The following NKAIN2 variants were observed in gnomAD, a reference collection of about 807,000 sequenced individuals.
NKAIN2 encodes the protein sodium/potassium-transporting ATPase subunit beta-1-interacting protein 2.
NKAIN2 carries 14 observed loss-of-function variants against 32.6 expected under a neutral mutation model. The observed-to-expected ratio is 0.43, with a 90% CI of 0.28 to 0.67. The LOEUF (loss-of-function observed/expected upper bound fraction) is 0.67. Ranked by LOEUF, NKAIN2 falls within the 30% of genes least tolerant of loss-of-function variation. The pLI is 0.17. For missense variants in NKAIN2, 198 were observed against 258.3 expected, an observed-to-expected ratio of 0.77 and a Z score of 1.60; for synonymous variants, 80 against 87.2, an observed-to-expected ratio of 0.92 and a Z score of 0.46.
chr6:124,435,491 A>C (rs916252144), intron 3 of NKAIN2, among the ~76,000 whole-genome samples: 1 of 152,186 alleles, frequency 6.6e-6, no homozygotes, highest in Middle Eastern at 3.2e-3. Context: ...CGATTCTCAC[A>C]ACAATCCTAT....
chr6:123,872,583 C>T (rs1215614480), intron 1 of NKAIN2, among the ~76,000 whole-genome samples: 1 of 152,178 alleles, frequency 6.6e-6, no homozygotes, highest in Non-Finnish European at 1.5e-5. Context: ...GAGCAGACCA[C>T]TGAATGAATT....
Position 123,886,055 on chromosome 6 carries a change from G to T in NKAIN2, c.54+81801G>T, listed in dbSNP as rs371122811. ...CAGATGAAAAAATTAAAATTCACTT[G>T]TACTATAAGACAGGCAGATTAAATT... On this transcript the variant is annotated intron_variant, in intron 1 of 6. Coordinates refer to ENST00000368417, the MANE Select transcript of NKAIN2 (RefSeq NM_001040214.3). Among the ~76,000 whole-genome samples, 151 of 151,596 alleles carry T rather than the reference G, an allele frequency of 1.0e-3. 2 individuals carry two copies. The South Asian group carries it at 0.03, about 30-fold the overall frequency.
At chr6:124,221,439 G>A (rs912568892) in intron 1 of NKAIN2, among the ~76,000 whole-genome samples, 1 of 150,798 alleles carries the variant, frequency 6.6e-6, no homozygotes, top group African/African-American at 2.4e-5. Flanking sequence ...ATAGCATTGG[G>A]AGATATACCT....
chr6:123,878,526 C>CT (rs1773285001), intron 1 of NKAIN2, among the ~76,000 whole-genome samples: 1 of 151,876 alleles, frequency 6.6e-6, no homozygotes, highest in African/African-American at 2.4e-5. Flanking sequence ...TCTTGCTTTC[C>CT]TTTTTTTGGT....
At chr6:124,250,562 G>T (rs1793650721) in intron 1 of NKAIN2, among the ~76,000 whole-genome samples, 1 of 151,912 alleles carries the variant, frequency 6.6e-6, no homozygotes, top group Non-Finnish European at 1.5e-5. Context: ...TCTACTAAAA[G>T]ATAACAATTA....
Position 124,758,375 on chromosome 6 carries a change from G to A in NKAIN2, c.475-32964G>A, listed in dbSNP as rs181056032. 1.5e-3 allele frequency among the ~76,000 whole-genome samples: 227 copies of A among 152,210 alleles called. 1 individual carries two copies. Among genetic ancestry groups the A allele is most frequent in the African/African-American group, 4.1e-3 (172 of 41,542 alleles). The stretch of plus-strand genomic sequence containing the variant: ...TTTAGAAAGCTCTCTTGCCCCTTCC[G>A]CCCTGTGAGGGCACAGAGAGAAGAC... On this transcript the variant is annotated intron_variant, in intron 4 of 6. Transcript: ENST00000368417.
chr6:123,855,046 G>C (rs1390304290), intron 1 of NKAIN2, among the ~76,000 whole-genome samples: 3 of 152,156 alleles, frequency 2.0e-5, no homozygotes, highest in African/African-American at 7.2e-5. Flanking sequence ...CAGTTGGACA[G>C]CTATGAGTTT....
At chr6:123,963,432 C>T (rs1777940315) in intron 1 of NKAIN2, among the ~76,000 whole-genome samples, 1 of 152,110 alleles carries the variant, frequency 6.6e-6, no homozygotes, top group African/African-American at 2.4e-5. Flanking sequence ...AGAGAAAAAG[C>T]AATTGTCCAG....
At chr6:124,725,208 G>T (rs1776212687) in intron 4 of NKAIN2, among the ~76,000 whole-genome samples, 1 of 152,082 alleles carries the variant, frequency 6.6e-6, no homozygotes. Flanking sequence ...CCACTCTTAA[G>T]TTACAATTTA....
chr6:124,405,332 A>G (rs1272772994), intron 3 of NKAIN2, among the ~76,000 whole-genome samples: 1 of 152,148 alleles, frequency 6.6e-6, no homozygotes, highest in Admixed American at 6.5e-5. Flanking sequence ...GATAATTACC[A>G]TGAGTCTAAG....
intron 3 of NKAIN2, among the ~76,000 whole-genome samples, chr6:124,643,836 A>G (rs1784074768): frequency 6.6e-6 from 1 of 152,200 alleles, no homozygotes; most frequent in Admixed American, 6.5e-5. Flanking sequence ...ATATTTTTAA[A>G]TTGCAACTCT....
intron 1 of NKAIN2, among the ~76,000 whole-genome samples, chr6:123,815,896 C>CCT (rs1459180606): frequency 6.6e-6 from 1 of 151,848 alleles, no homozygotes; most frequent in Non-Finnish European, 1.5e-5. Flanking sequence ...ACCAAACTGA[C>CCT]CTCTGTCAAG....
intron 1 of NKAIN2, among the ~76,000 whole-genome samples, chr6:124,025,116 T>C (rs2114770366): frequency 6.6e-6 from 1 of 152,332 alleles, no homozygotes; most frequent in South Asian, 2.1e-4. Flanking sequence ...ATAGAAGATC[T>C]AGAGTACAGG....
chr6:123,928,651 C>T (rs1776117055), intron 1 of NKAIN2, among the ~76,000 whole-genome samples: 1 of 152,090 alleles, frequency 6.6e-6, no homozygotes, highest in Non-Finnish European at 1.5e-5. Flanking sequence ...AGAATATTCT[C>T]TTAAATATTT....
chr6:124,484,827 A>T (rs1777588671), intron 3 of NKAIN2, among the ~76,000 whole-genome samples: 2 of 152,174 alleles, frequency 1.3e-5, no homozygotes, highest in Admixed American at 6.6e-5. Flanking sequence ...ATATACATGC[A>T]TGTGTGTATG....
chr6:124,200,360 G>C (rs2114622757), intron 1 of NKAIN2, among the ~76,000 whole-genome samples: 1 of 152,246 alleles, frequency 6.6e-6, no homozygotes, highest in East Asian at 1.9e-4. Context: ...TATGGGATAA[G>C]GAGTAAAGCG....
intron 3 of NKAIN2, among the ~76,000 whole-genome samples, chr6:124,470,367 T>C (rs1286756432): frequency 6.6e-6 from 1 of 152,118 alleles, no homozygotes; most frequent in African/African-American, 2.4e-5. Context: ...CTCTGCCTTT[T>C]GAAAGGAACA....
At chr6:123,954,774 G>A (rs899162604) in intron 1 of NKAIN2, among the ~76,000 whole-genome samples, 2 of 152,042 alleles carry the variant, frequency 1.3e-5, no homozygotes, top group East Asian at 3.9e-4. Flanking sequence ...TTTATTGTTG[G>A]GTATCACACT....
Position 123,970,839 on chromosome 6 carries a change from G to GC in NKAIN2, c.54+166587dup, listed in dbSNP as rs574563381. ...GGAGGTTGCTGTGAGCTGAGATCGC[G>GC]CCACTGCACTCCAGCCTGGTCGACG... On this transcript the variant is annotated intron_variant, in intron 1 of 6. Coordinates refer to ENST00000368417, the MANE Select transcript of NKAIN2 (RefSeq NM_001040214.3). 9.5e-4 allele frequency among the ~76,000 whole-genome samples: 144 copies of GC among 151,994 alleles called. 1 individual carries two copies. Among genetic ancestry groups the GC allele is most frequent in the African/African-American group, 3.1e-3 (130 of 41,476 alleles).
Sources: allele counts gnomAD v4.1 joint callset (sites outside exome capture counted in the v4.1 genomes callset), GRCh38; gene constraint gnomAD v4.1.1; transcripts MANE v1.5; gene names NCBI Gene and HGNC (gene_info 2026-07-23, HGNC 2026-07-21).